Variants in NOL4 observed in about 807,000 individuals in gnomAD.
NOL4 encodes the protein cancer/testis antigen 125.
A neutral mutation model predicts 75.9 loss-of-function variants in NOL4; 17 were observed. That is an observed-to-expected ratio of 0.22 (90% CI 0.15 to 0.34). The LOEUF is 0.34. NOL4 is among the 10% of genes least tolerant of loss of function. The probability of loss-of-function intolerance (pLI) is 1.00; values close to 1 mark genes in which losing one functional copy is unlikely to be tolerated. For missense variants in NOL4, 614 were observed against 793.5 expected (o/e 0.77, Z 2.72); for synonymous variants, 292 against 289.9 (o/e 1.01, Z -0.07).
intron 6 of NOL4, among the ~76,000 whole-genome samples, chr18:34,003,877 T>A (rs377623104): frequency 6.6e-6 from 1 of 150,612 alleles, no homozygotes; most frequent in African/African-American, 2.4e-5. Context: ...AAGTGGGGGG[T>A]CAGACGTGCC....
At chr18:33,999,543 C>T (rs931989882) in intron 6 of NOL4, among the ~76,000 whole-genome samples, 8 of 151,752 alleles carry the variant, frequency 5.3e-5, no homozygotes, top group African/African-American at 1.9e-4. Flanking sequence ...GAGTGGAGTA[C>T]CTGTGTGAGC....
At chr18:34,080,435 A>T (rs1405109602) in intron 5 of NOL4, among the ~76,000 whole-genome samples, 1 of 152,146 alleles carries the variant, frequency 6.6e-6, no homozygotes, top group Non-Finnish European at 1.5e-5. Flanking sequence ...GTTGTAAATG[A>T]CTTTATTATC....
At chr18:34,182,872 A>T (rs1019890651) in intron 1 of NOL4, among the ~76,000 whole-genome samples, 1 of 151,806 alleles carries the variant, frequency 6.6e-6, no homozygotes, top group African/African-American at 2.4e-5. Context: ...CAAAAAGTAC[A>T]TGAAATTTGA....
intron 10 of NOL4, among the ~76,000 whole-genome samples, chr18:33,856,321 T>C (rs1211386817): frequency 6.6e-6 from 1 of 152,106 alleles, no homozygotes; most frequent in African/African-American, 2.4e-5. Flanking sequence ...TAATGTGACT[T>C]ATTCAAGTAA....
chr18:33,913,133 C>T lies in NOL4; in HGVS notation c.1543-29709G>A, dbSNP rs868017430. Among the ~76,000 whole-genome samples the T allele has an allele frequency of 6.5e-4, 99 of 152,094 alleles. 1 individual carries two copies. Among genetic ancestry groups the T allele is most frequent in the African/African-American group, 2.0e-3 (83 of 41,498 alleles). The stretch of plus-strand genomic sequence containing the variant: ...CTATTAAATTCATCTTGTGAAATAC[C>T]AGCCTGTAATGAAATTGTTCAAATT... On this transcript the variant is annotated intron_variant, in intron 9 of 10. Transcript: ENST00000261592.
chr18:34,093,641 T>C, intron 4 of NOL4, 44 bp from the exon 5 acceptor site: 1 of 1,407,384 alleles, frequency 7.1e-7, no homozygotes, highest in African/African-American at 1.4e-5. Flanking sequence ...TAACGTATAA[T>C]ACGTTTAAAT....
intron 1 of NOL4, among the ~76,000 whole-genome samples, chr18:34,131,285 G>A (rs1488712227): frequency 2.0e-5 from 3 of 152,178 alleles, no homozygotes; most frequent in Non-Finnish European, 4.4e-5. Context: ...GTCACCTGGT[G>A]CTTTCTGTTA....
Position 33,851,520 on chromosome 18 carries a change from T to C in NOL4, c.*1322A>G, listed in dbSNP as rs2062634288. On this transcript the variant is annotated 3_prime_UTR_variant, in exon 11 of 11. Coordinates refer to ENST00000261592, the MANE Select transcript of NOL4 (RefSeq NM_003787.5). ...TGAATGACATAAATTTTACATGAAA[T>C]AAGGCAAATTCAGGAATGCACAAAG... is the stretch of plus-strand genomic sequence containing the variant. 6.6e-6 allele frequency: 1 copy of C among 152,380 alleles called. No homozygotes were observed. The highest frequency in any genetic ancestry group is 2.4e-5 in the African/African-American group (1 of 41,400). The allele number at this position is 152,380 out of a possible 1,614,324, so 9.4% of individuals were successfully genotyped here. A position where few individuals can be genotyped will look rare whatever the true frequency, so the allele number is the denominator to read the frequency against.
intron 9 of NOL4, among the ~76,000 whole-genome samples, chr18:33,901,208 C>G (rs1172632849): frequency 6.6e-6 from 1 of 151,994 alleles, no homozygotes; most frequent in East Asian, 1.9e-4. Flanking sequence ...TAAACCCAAC[C>G]AAAAACACAA....
intron 6 of NOL4, among the ~76,000 whole-genome samples, chr18:33,989,882 A>G (rs778234904): frequency 6.6e-6 from 1 of 152,096 alleles, no homozygotes; most frequent in Non-Finnish European, 1.5e-5. Context: ...AACAACGTAT[A>G]ACTCCTTTAG....
intron 6 of NOL4, among the ~76,000 whole-genome samples, chr18:33,981,846 C>T (rs1033524216): frequency 2.0e-5 from 3 of 151,932 alleles, no homozygotes; most frequent in African/African-American, 4.8e-5. Context: ...TAGCAACAAT[C>T]GTACAATAAC....
intron 1 of NOL4, among the ~76,000 whole-genome samples, chr18:34,161,872 T>C (rs1186054129): frequency 6.6e-6 from 1 of 152,174 alleles, no homozygotes; most frequent in African/African-American, 2.4e-5. Flanking sequence ...CTTTATAAGG[T>C]AGTCATTTCC....
intron 6 of NOL4, among the ~76,000 whole-genome samples, chr18:33,974,452 G>A (rs935114564): frequency 5.3e-5 from 8 of 152,104 alleles, no homozygotes; most frequent in African/African-American, 1.2e-4. Context: ...ATTTTCTTCA[G>A]AAGGCTCAAG....
chr18:34,210,810 T>C (rs1274642552), intron 1 of NOL4, among the ~76,000 whole-genome samples: 1 of 152,178 alleles, frequency 6.6e-6, no homozygotes, highest in Non-Finnish European at 1.5e-5. Context: ...TACTAGGCAT[T>C]TACAACAAAG....
chr18:33,996,078 G>A (rs1433171750), intron 6 of NOL4, among the ~76,000 whole-genome samples: 1 of 151,804 alleles, frequency 6.6e-6, no homozygotes, highest in Non-Finnish European at 1.5e-5. Context: ...TTGAAAGACT[G>A]GATGAATTAA....
At position 34,039,537 on chromosome 18, in the gene NOL4, T is replaced by C. The variant is rs575765472; in HGVS notation, c.773-19936A>G. Reference sequence around the variant, plus strand: ...TCCATTTCTGTATAAAGTTAAGATGTGCATTTACTTGTCATTTCAGCAAAA... The same window carrying C: ...TCCATTTCTGTATAAAGTTAAGATGCGCATTTACTTGTCATTTCAGCAAAA... On this transcript the variant is annotated intron_variant, in intron 5 of 10. Transcript: ENST00000261592. 4.6e-5 allele frequency among the ~76,000 whole-genome samples: 7 copies of C among 152,166 alleles called. No individual in the cohort carries two copies. The South Asian group carries it at 1.4e-3, about 32-fold the overall frequency.
At chr18:34,096,883 G>C (rs538646579) in intron 4 of NOL4, among the ~76,000 whole-genome samples, 1 of 152,180 alleles carries the variant, frequency 6.6e-6, no homozygotes, top group African/African-American at 2.4e-5. Context: ...ATCTTCAGAA[G>C]TTGCTTGAAA....
intron 5 of NOL4, among the ~76,000 whole-genome samples, chr18:34,022,201 G>A (rs999514510): frequency 1.6e-4 from 24 of 151,126 alleles, no homozygotes; most frequent in East Asian, 1.9e-4. Flanking sequence ...ATTATTTCAC[G>A]CCTGGCCTGA....
chr18:33,936,540 A>G (rs1488210780), intron 9 of NOL4, among the ~76,000 whole-genome samples: 2 of 151,672 alleles, frequency 1.3e-5, no homozygotes, highest in Admixed American at 6.6e-5. Flanking sequence ...GTTCTTTTCA[A>G]TAGAGTCAAT....
Sources: allele counts gnomAD v4.1 joint callset (sites outside exome capture counted in the v4.1 genomes callset), GRCh38; gene constraint gnomAD v4.1.1; transcripts MANE v1.5; gene names NCBI Gene and HGNC (gene_info 2026-07-23, HGNC 2026-07-21).